The following PBX3 variants were observed in gnomAD, a reference collection of about 807,000 sequenced individuals.
PBX3 encodes the protein pre-B-cell leukemia transcription factor 3.
A neutral mutation model predicts 48.5 loss-of-function variants in PBX3; 14 were observed. The observed-to-expected ratio is 0.29, with a 90% CI of 0.19 to 0.45. PBX3 has a LOEUF of 0.45. Ranked by LOEUF, PBX3 falls within the 20% of genes least tolerant of loss-of-function variation. The probability of loss-of-function intolerance (pLI) is 1.00; values close to 1 mark genes in which losing one functional copy is unlikely to be tolerated. For missense variants in PBX3, 386 were observed against 546.7 expected, an observed-to-expected ratio of 0.71 and a Z score of 2.93; for synonymous variants, 210 against 200.3, an observed-to-expected ratio of 1.05 and a Z score of -0.41.
intron 2 of PBX3, among the ~76,000 whole-genome samples, chr9:125,756,810 C>T (rs986015177): frequency 1.2e-4 from 18 of 152,182 alleles, no homozygotes; most frequent in Admixed American, 1.3e-4. Flanking sequence ...GTGAAGACGA[C>T]TTTTAGTGTA....
intron 2 of PBX3, among the ~76,000 whole-genome samples, chr9:125,775,455 T>G (rs1837047805): frequency 6.6e-6 from 1 of 152,228 alleles, no homozygotes; most frequent in Admixed American, 6.5e-5. Context: ...TTCATTCTTT[T>G]GGATGTAGAT....
intron 2 of PBX3, among the ~76,000 whole-genome samples, chr9:125,894,396 T>C (rs1341235020): frequency 6.6e-6 from 1 of 152,174 alleles, no homozygotes; most frequent in African/African-American, 2.4e-5. Context: ...GGATAACCTT[T>C]TAAAATAAAT....
chr9:125,910,456 T>C (rs1300401567), intron 2 of PBX3, among the ~76,000 whole-genome samples: 1 of 152,084 alleles, frequency 6.6e-6, no homozygotes, highest in Admixed American at 6.6e-5. Flanking sequence ...CTGTGATTTA[T>C]GTCCATTTAA....
intron 2 of PBX3, among the ~76,000 whole-genome samples, chr9:125,814,584 G>C (rs1018574974): frequency 6.6e-6 from 1 of 152,088 alleles, no homozygotes; most frequent in African/African-American, 2.4e-5. Flanking sequence ...CCTAGAAAAA[G>C]ACCTGCTATC....
chr9:125,851,871 T>C (rs1012742871), intron 2 of PBX3, among the ~76,000 whole-genome samples: 3 of 52,044 alleles, frequency 5.8e-5, no homozygotes, highest in African/African-American at 1.9e-4. Context: ...TTTTTGCTGC[T>C]TTTTTTTTTT....
chr9:125,795,903 A>G (rs952141055), intron 2 of PBX3, among the ~76,000 whole-genome samples: 6 of 152,198 alleles, frequency 3.9e-5, no homozygotes, highest in Admixed American at 6.5e-5. Flanking sequence ...GTAGTTGTAC[A>G]TATATTGAGA....
chr9:125,925,984 ATTAG>A (rs941795850), intron 3 of PBX3, among the ~76,000 whole-genome samples: 7 of 152,332 alleles, frequency 4.6e-5, no homozygotes, highest in Middle Eastern at 3.4e-3. Context: ...TTGTTGGACT[ATTAG>A]TTAACATTCT....
chr9:125,924,236 A>T (rs1375283598), intron 3 of PBX3, among the ~76,000 whole-genome samples: 3 of 152,182 alleles, frequency 2.0e-5, no homozygotes, highest in Non-Finnish European at 4.4e-5. Flanking sequence ...TAAAAACAAA[A>T]AACCTTAAAA....
intron 2 of PBX3, among the ~76,000 whole-genome samples, chr9:125,861,317 A>ATAC (rs1415155263): frequency 1.3e-5 from 2 of 152,176 alleles, no homozygotes; most frequent in Non-Finnish European, 2.9e-5. Flanking sequence ...AATAATAATA[A>ATAC]TAATAATGAT....
chr9:125,905,576 A>G (rs998708886), intron 2 of PBX3, among the ~76,000 whole-genome samples: 5 of 151,754 alleles, frequency 3.3e-5, no homozygotes, highest in Non-Finnish European at 7.4e-5. Flanking sequence ...TCTTTGCTGT[A>G]GATTAGTTTC....
At chr9:125,811,181 G>GT (rs1838279631) in intron 2 of PBX3, among the ~76,000 whole-genome samples, 1 of 152,218 alleles carries the variant, frequency 6.6e-6, no homozygotes, top group South Asian at 2.1e-4. Context: ...TGTAAAATAT[G>GT]TATGTTTTAT....
chr9:125,770,751 A>G (rs1392952630), intron 2 of PBX3, among the ~76,000 whole-genome samples: 2 of 152,220 alleles, frequency 1.3e-5, no homozygotes, highest in Non-Finnish European at 2.9e-5. Flanking sequence ...AAAAGACTTC[A>G]GAGATTATGT....
At chr9:125,780,666 A>C (rs1260405512) in intron 2 of PBX3, among the ~76,000 whole-genome samples, 3 of 121,512 alleles carry the variant, frequency 2.5e-5, no homozygotes, top group Non-Finnish European at 3.4e-5. Context: ...TCCCTCCCGG[A>C]TGGGGCGGCT....
At chr9:125,961,593 T>G (rs771635612) in intron 6 of PBX3, among the ~76,000 whole-genome samples, 1 of 151,528 alleles carries the variant, frequency 6.6e-6, no homozygotes, top group African/African-American at 2.4e-5. Flanking sequence ...AGTAGGGGGG[T>G]TTTTGTTTGT....
chr9:125,897,632 T>A (rs553018191), intron 2 of PBX3, among the ~76,000 whole-genome samples: 30 of 152,002 alleles, frequency 2.0e-4, no homozygotes, highest in Non-Finnish European at 3.5e-4. Flanking sequence ...AACCACATAC[T>A]AAAATTTATT....
At chr9:125,933,081 A>G (rs1025838934) in intron 4 of PBX3, among the ~76,000 whole-genome samples, 4 of 152,230 alleles carry the variant, frequency 2.6e-5, no homozygotes, top group Non-Finnish European at 4.4e-5. Flanking sequence ...TAAATAACGT[A>G]TAAGACCAAG....
intron 2 of PBX3, among the ~76,000 whole-genome samples, chr9:125,886,106 A>G (rs1187007205): frequency 6.6e-6 from 1 of 152,094 alleles, no homozygotes; most frequent in African/African-American, 2.4e-5. Context: ...ATTTTGAGTG[A>G]TGGGTAGATA....
chr9:125,850,934 G>T (rs1053242259), intron 2 of PBX3, among the ~76,000 whole-genome samples: 4 of 152,046 alleles, frequency 2.6e-5, no homozygotes, highest in Non-Finnish European at 4.4e-5. Context: ...CAATAGGAAG[G>T]TTAAGCTGGT....
At chr9:125,792,157 C>G (rs1837633236) in intron 2 of PBX3, among the ~76,000 whole-genome samples, 2 of 151,928 alleles carry the variant, frequency 1.3e-5, no homozygotes, top group South Asian at 4.1e-4. Context: ...GAAAAGAATA[C>G]TGTGGGAGTA....
Sources: gnomAD v4.1 joint callset for allele counts (sites outside exome capture counted in the v4.1 genomes callset) on GRCh38, gnomAD v4.1.1 for gene constraint, MANE v1.5 for transcripts, NCBI Gene and HGNC (gene_info 2026-07-23, HGNC 2026-07-21) for gene names.